Variants in SLIT3 observed in about 807,000 individuals in gnomAD.
SLIT3 encodes slit guidance ligand 3, also known as slit homolog 3 protein.
In SLIT3, 68 loss-of-function variants were observed where a neutral mutation model predicts 184.0. The observed-to-expected ratio is 0.37, with a 90% confidence interval of 0.30 to 0.45. The LOEUF is 0.45. SLIT3 is among the 20% of genes least tolerant of loss of function. The probability of loss-of-function intolerance (pLI) is 1.00; values close to 1 mark genes in which losing one functional copy is unlikely to be tolerated. For synonymous variants in SLIT3, 831 were observed against 828.6 expected (o/e 1.00, Z -0.05); for missense variants, 1,707 against 2,026.0 (o/e 0.84, Z 3.02).
intron 4 of SLIT3, among the ~76,000 whole-genome samples, chr5:168,998,783 G>T (rs2113411844): frequency 6.6e-6 from 1 of 151,810 alleles, no homozygotes; most frequent in South Asian, 2.1e-4. Context: ...TCAAAGTGTG[G>T]TCCCCAGACC....
intron 5 of SLIT3, 29 bp downstream of exon 5, chr5:168,883,236 C>T (rs770947039): frequency 3.5e-5 from 56 of 1,595,562 alleles, no homozygotes; most frequent in Non-Finnish European, 4.1e-5. Context: ...TAGCCACATA[C>T]GTAGTGAAGC....
At chr5:169,016,970 A>G (rs547240219) in intron 4 of SLIT3, among the ~76,000 whole-genome samples, 1 of 152,244 alleles carries the variant, frequency 6.6e-6, no homozygotes, top group East Asian at 1.9e-4. Context: ...GTGGGGTTTG[A>G]ATCCCACTCT....
chr5:169,192,656 CCAGGCT>C (rs1412827012), intron 4 of SLIT3, among the ~76,000 whole-genome samples: 1 of 152,122 alleles, frequency 6.6e-6, no homozygotes, highest in Non-Finnish European at 1.5e-5. Flanking sequence ...GCCTTCCCAG[CCAGGCT>C]GTAAATCTTG....
chr5:169,193,574 G>A, intron 3 of SLIT3, 24 bp from the exon 4 acceptor site: 2 of 1,579,270 alleles, frequency 1.3e-6, no homozygotes, highest in South Asian at 2.2e-5. Flanking sequence ...AGAATGGAAG[G>A]ATGTCAAGGG....
At chr5:169,006,593 TCTCTCTCTCTCTCA>T (rs1367115767) in intron 4 of SLIT3, among the ~76,000 whole-genome samples, 2 of 140,380 alleles carry the variant, frequency 1.4e-5, no homozygotes, top group South Asian at 2.3e-4. Flanking sequence ...TCTCTCTCTC[TCTCTCTCTCTCTCA>T]CACACACACA....
intron 4 of SLIT3, among the ~76,000 whole-genome samples, chr5:169,078,493 G>A (rs992829795): frequency 3.3e-5 from 5 of 151,992 alleles, no homozygotes; most frequent in East Asian, 1.9e-4. Flanking sequence ...TCACAGACCC[G>A]GTGGGGAATA....
intron 4 of SLIT3, among the ~76,000 whole-genome samples, chr5:169,140,528 C>T (rs1047069732): frequency 3.4e-5 from 5 of 145,408 alleles, no homozygotes; most frequent in East Asian, 2.0e-4. Context: ...CGGTCAGGCA[C>T]GGTGGCTCAC....
At chr5:169,150,616 G>A (rs1762083362) in intron 4 of SLIT3, among the ~76,000 whole-genome samples, 2 of 151,954 alleles carry the variant, frequency 1.3e-5, no homozygotes, top group Non-Finnish European at 2.9e-5. Flanking sequence ...TAATCGCCCT[G>A]GCCCCTCTTT....
At chr5:168,891,847 A>G (rs550629580) in intron 4 of SLIT3, among the ~76,000 whole-genome samples, 2 of 152,308 alleles carry the variant, frequency 1.3e-5, no homozygotes, top group Non-Finnish European at 2.9e-5. Flanking sequence ...CAGATGCTTC[A>G]GGGTTGTGCA....
intron 9 of SLIT3, among the ~76,000 whole-genome samples, chr5:168,798,208 T>TTTC (rs58233644): frequency 0.013 from 1,718 of 129,010 alleles, 38 homozygotes; most frequent in Middle Eastern, 0.02. Context: ...TTGGTTTTCT[T>TTTC]TTCTTCTTCT....
chr5:169,175,465 C>A (rs1014917313), intron 4 of SLIT3, among the ~76,000 whole-genome samples: 1 of 152,058 alleles, frequency 6.6e-6, no homozygotes, highest in African/African-American at 2.4e-5. Flanking sequence ...TCTCTGAGCC[C>A]CATTTCCTCC....
intron 4 of SLIT3, among the ~76,000 whole-genome samples, chr5:168,995,966 G>A (rs544815833): frequency 3.3e-5 from 5 of 152,322 alleles, no homozygotes; most frequent in South Asian, 4.1e-4. Flanking sequence ...TTGACCAACC[G>A]TGAGTAACCC....
chr5:169,206,326 G>T (rs1368416889), intron 3 of SLIT3, among the ~76,000 whole-genome samples: 1 of 152,180 alleles, frequency 6.6e-6, no homozygotes, highest in Admixed American at 6.5e-5. Flanking sequence ...ATGCAGCAAA[G>T]CTGGTTCTAA....
intron 4 of SLIT3, among the ~76,000 whole-genome samples, chr5:169,084,352 G>A (rs1263557385): frequency 1.3e-5 from 2 of 149,930 alleles, no homozygotes; most frequent in African/African-American, 2.5e-5. Flanking sequence ...TGGCGCGATC[G>A]TGATCTCAGC....
intron 4 of SLIT3, among the ~76,000 whole-genome samples, chr5:168,993,830 C>T (rs1003767027): frequency 2.6e-5 from 4 of 152,252 alleles, no homozygotes; most frequent in Non-Finnish European, 4.4e-5. Context: ...AAAATCATCC[C>T]GCTTTTTCCC....
At chr5:168,763,054 G>A (rs1755215784) in intron 14 of SLIT3, among the ~76,000 whole-genome samples, 3 of 152,066 alleles carry the variant, frequency 2.0e-5, no homozygotes, top group East Asian at 1.9e-4. Context: ...ACGATTTTAG[G>A]GGGTCTACCT....
chr5:168,756,346 G>T lies in SLIT3; in HGVS notation c.1686-2339C>A, dbSNP rs570287805. Reference sequence around the variant, plus strand: ...TGACAGAATTGGGGACTCAATGCAGGCTGACTGCCCTCTTCCCAAGGAGGG... The same window carrying T: ...TGACAGAATTGGGGACTCAATGCAGTCTGACTGCCCTCTTCCCAAGGAGGG... On this transcript the variant is annotated intron_variant, in intron 16 of 35. Coordinates refer to ENST00000519560, the MANE Select transcript of SLIT3 (RefSeq NM_003062.4). Among the ~76,000 whole-genome samples, 8 of 152,340 alleles carry T rather than the reference G, an allele frequency of 5.3e-5. No homozygotes were observed. The East Asian group carries it at 1.5e-3, about 29-fold the overall frequency.
intron 20 of SLIT3, among the ~76,000 whole-genome samples, chr5:168,743,196 T>A (rs1047365423): frequency 5.9e-5 from 9 of 152,198 alleles, no homozygotes; most frequent in African/African-American, 1.9e-4. Flanking sequence ...GGGTACTGCG[T>A]ACCTTGTTTT....
intron 3 of SLIT3, among the ~76,000 whole-genome samples, chr5:169,202,136 G>T (rs2079049550): frequency 6.6e-6 from 1 of 152,184 alleles, no homozygotes; most frequent in Non-Finnish European, 1.5e-5. Flanking sequence ...AGGAGGCTGG[G>T]TGGGAGGATT....
Sources: gnomAD v4.1 joint callset for allele counts (sites outside exome capture counted in the v4.1 genomes callset) on GRCh38, gnomAD v4.1.1 for gene constraint, MANE v1.5 for transcripts, NCBI Gene and HGNC (gene_info 2026-07-23, HGNC 2026-07-21) for gene names.